Variants in PREX2 observed in about 807,000 individuals in gnomAD.
PREX2 encodes the protein phosphatidylinositol-3,4,5-trisphosphate dependent Rac exchange factor 2, also known as phosphatidylinositol 3,4,5-trisphosphate-dependent Rac exchanger 2 protein.
A neutral mutation model predicts 203.2 loss-of-function variants in PREX2; 107 were observed. The observed-to-expected ratio is 0.53, with a 90% CI of 0.45 to 0.62. The LOEUF (loss-of-function observed/expected upper bound fraction) is 0.62, where lower values mean the gene tolerates loss of function less well. Ranked by LOEUF, PREX2 falls within the 20% of genes least tolerant of loss-of-function variation. The probability of loss-of-function intolerance (pLI) is 0.00; values close to 1 mark genes in which losing one functional copy is unlikely to be tolerated. For missense variants in PREX2, 1,777 were observed against 1,955.9 expected (o/e 0.91, Z 1.72); for synonymous variants, 672 against 663.6 (o/e 1.01, Z -0.19).
intron 1 of PREX2, among the ~76,000 whole-genome samples, chr8:67,967,804 T>A (rs1805816343): frequency 6.6e-6 from 1 of 152,176 alleles, no homozygotes; most frequent in South Asian, 2.1e-4. Context: ...CAAGAGTACC[T>A]TGCATTCTGA....
At position 68,034,969 on chromosome 8, in the gene PREX2, A is replaced by G. The variant is rs998501618; in HGVS notation, c.706-3190A>G. On this transcript the variant is annotated intron_variant, in intron 6 of 39. Coordinates refer to ENST00000288368, the MANE Select transcript of PREX2 (RefSeq NM_024870.4). ...GTGGTTCTGGAAAAAGACCACTGAAAATGAATCCAGTTTAAAAGAGGCGCA... is the reference window on the plus strand; with the variant it reads ...GTGGTTCTGGAAAAAGACCACTGAAGATGAATCCAGTTTAAAAGAGGCGCA... Among the ~76,000 whole-genome samples, 4 of 152,142 alleles carry G rather than the reference A, an allele frequency of 2.6e-5. No individual in the cohort carries two copies. The East Asian group carries it at 7.7e-4, about 29-fold the overall frequency.
chr8:68,029,395 G>A (rs1282355993), intron 5 of PREX2, among the ~76,000 whole-genome samples: 1 of 152,134 alleles, frequency 6.6e-6, no homozygotes, highest in Non-Finnish European at 1.5e-5. Flanking sequence ...GGAGAAGCCT[G>A]CATGTCTCAC....
intron 8 of PREX2, among the ~76,000 whole-genome samples, chr8:68,049,171 G>C (rs951231716): frequency 7.4e-6 from 1 of 134,632 alleles, no homozygotes; most frequent in Non-Finnish European, 1.6e-5. Context: ...TTGGGATGCT[G>C]GAAATTTTTC....
At chr8:68,098,748 T>A (rs1441460661) in intron 22 of PREX2, among the ~76,000 whole-genome samples, 2 of 151,856 alleles carry the variant, frequency 1.3e-5, no homozygotes, top group African/African-American at 4.8e-5. Context: ...TAACTCTAAG[T>A]TCTAGACTAG....
chr8:67,952,603 G>A (rs746416486), intron 1 of PREX2, 68 bp downstream of exon 1: 37 of 1,561,270 alleles, frequency 2.4e-5, no homozygotes, highest in Non-Finnish European at 3.2e-5. Flanking sequence ...GAGTGGCTGC[G>A]GGAAGGACGC....
intron 7 of PREX2, among the ~76,000 whole-genome samples, chr8:68,039,482 A>G (rs1393237849): frequency 6.6e-6 from 1 of 151,446 alleles, no homozygotes; most frequent in South Asian, 2.1e-4. Flanking sequence ...ATATTCATAG[A>G]CTCTTCCCAG....
chr8:68,080,277 A>AAAGG (rs111762106), intron 15 of PREX2, among the ~76,000 whole-genome samples, 166 bp from the exon 16 acceptor site: 186 of 130,476 alleles, frequency 1.4e-3, no homozygotes, highest in African/African-American at 4.9e-3. Context: ...GAAATTATAG[A>AAAGG]AAGAGAAAAA....
intron 35 of PREX2, among the ~76,000 whole-genome samples, chr8:68,180,356 G>A (rs1444350181): frequency 6.6e-6 from 1 of 151,956 alleles, no homozygotes; most frequent in Non-Finnish European, 1.5e-5. Flanking sequence ...CCACACCATT[G>A]GTTCTTTACA....
At chr8:68,228,944 T>A (rs144641185) in intron 39 of PREX2, among the ~76,000 whole-genome samples, 35 of 103,530 alleles carry the variant, frequency 3.4e-4, no homozygotes, top group East Asian at 8.7e-4. Flanking sequence ...CTTGTCTCTT[T>A]AAAAAAAAAA....
At chr8:68,194,694 G>T (rs897954209) in intron 37 of PREX2, among the ~76,000 whole-genome samples, 1 of 151,982 alleles carries the variant, frequency 6.6e-6, no homozygotes, top group African/African-American at 2.4e-5. Flanking sequence ...CCAGCTACTC[G>T]GGAGGCTGAG....
At chr8:67,976,394 CAGAGAG>C (rs10581118) in intron 1 of PREX2, among the ~76,000 whole-genome samples, 2 of 134,668 alleles carry the variant, frequency 1.5e-5, no homozygotes, top group Non-Finnish European at 3.3e-5. Flanking sequence ...GGGAGAGAGA[CAGAGAG>C]AGAGAGAGAG....
intron 18 of PREX2, among the ~76,000 whole-genome samples, chr8:68,084,339 G>A (rs1426977523): frequency 6.6e-6 from 1 of 152,020 alleles, no homozygotes; most frequent in African/African-American, 2.4e-5. Flanking sequence ...TCAAAAATAA[G>A]ATTTTTTAAA....
rs978138699 is a variant in PREX2 at position 68,156,858 on chromosome 8, A to G, written c.4232-464A>G. Among the ~76,000 whole-genome samples the G allele has an allele frequency of 5.9e-5, 9 of 152,326 alleles. No homozygotes were observed. In the East Asian group the frequency reaches 1.7e-3, roughly 29 times the overall value. On this transcript the variant is annotated intron_variant, in intron 34 of 39. Transcript: ENST00000288368. Reference sequence around the variant, plus strand: ...CAGAGGGGGAGACACTGTTACAAGTAGAGGTTTCCTTTATGGATGTAAATT... The same window carrying G: ...CAGAGGGGGAGACACTGTTACAAGTGGAGGTTTCCTTTATGGATGTAAATT...
chr8:68,051,200 T>A (rs573285380), intron 8 of PREX2, among the ~76,000 whole-genome samples: 3 of 152,106 alleles, frequency 2.0e-5, no homozygotes, highest in Admixed American at 2.0e-4. Context: ...ATGACTTGAA[T>A]GATTTTGGCA....
chr8:68,165,942 A>G (rs1483931136), intron 35 of PREX2, among the ~76,000 whole-genome samples: 2 of 152,186 alleles, frequency 1.3e-5, no homozygotes, highest in Non-Finnish European at 2.9e-5. Context: ...TTTCAAAAAT[A>G]GGAAAGTATC....
intron 37 of PREX2, among the ~76,000 whole-genome samples, chr8:68,206,200 C>T (rs562698812): frequency 2.0e-5 from 3 of 152,172 alleles, no homozygotes; most frequent in Non-Finnish European, 4.4e-5. Flanking sequence ...ATCACCTCGT[C>T]TCTCAGGGAC....
intron 1 of PREX2, among the ~76,000 whole-genome samples, chr8:67,971,140 A>G (rs1285052838): frequency 6.6e-6 from 1 of 152,136 alleles, no homozygotes; most frequent in African/African-American, 2.4e-5. Context: ...GTTTAGGACT[A>G]ATTAGTAGAC....
chr8:68,069,399 G>A (rs575896033), intron 12 of PREX2, among the ~76,000 whole-genome samples: 1 of 151,158 alleles, frequency 6.6e-6, no homozygotes, highest in South Asian at 2.1e-4. Context: ...CCTTTTACAT[G>A]TAGCAACATG....
chr8:68,047,852 A>T (rs1001114004), intron 8 of PREX2, among the ~76,000 whole-genome samples: 1 of 152,030 alleles, frequency 6.6e-6, no homozygotes, highest in African/African-American at 2.4e-5. Flanking sequence ...TGCAGAAAAA[A>T]TAATTGCACT....
Sources: gnomAD v4.1 joint callset for allele counts (sites outside exome capture counted in the v4.1 genomes callset) on GRCh38, gnomAD v4.1.1 for gene constraint, MANE v1.5 for transcripts, NCBI Gene and HGNC (gene_info 2026-07-23, HGNC 2026-07-21) for gene names.